EVL: variants seen among roughly 807,000 people sequenced by gnomAD.
The protein encoded by EVL is Enah/Vasp-like, also known as ena/VASP-like protein.
A neutral mutation model predicts 59.6 loss-of-function variants in EVL; 21 were observed. That is an observed-to-expected ratio of 0.35 (90% CI 0.25 to 0.51). EVL has a LOEUF of 0.51. Among genes scored for constraint, EVL ranks in the 20% least tolerant of loss-of-function variants. The pLI, the probability that EVL is intolerant of heterozygous loss-of-function variation, is 0.97. For synonymous variants in EVL, 198 were observed against 203.5 expected, an observed-to-expected ratio of 0.97 and a Z score of 0.23; for missense variants, 462 against 546.6, an observed-to-expected ratio of 0.85 and a Z score of 1.54.
chr14:100,054,049 C>CTTTTTTTTTTTTTTTTTTTTTTTTT (rs11302582), intron 1 of EVL, among the ~76,000 whole-genome samples: 2 of 61,256 alleles, frequency 3.3e-5, no homozygotes, highest in Non-Finnish European at 5.8e-5. Context: ...TATTTTTGGA[C>CTTTTTTTTTTTTTTTTTTTTTTTTT]TTTTTTTTTT....
intron 2 of EVL, among the ~76,000 whole-genome samples, chr14:100,087,970 A>G (rs1282944316): frequency 6.6e-6 from 1 of 152,258 alleles, no homozygotes; most frequent in Non-Finnish European, 1.5e-5. Flanking sequence ...AGGGGGCATG[A>G]CTGCGATTTT....
chr14:100,102,394 C>T, intron 3 of EVL: 2 of 456,042 alleles, frequency 4.4e-6, no homozygotes, highest in South Asian at 1.5e-5. Context: ...GTTCCAGGCT[C>T]ATGATAGAGG....
intron 1 of EVL, among the ~76,000 whole-genome samples, chr14:100,013,730 G>A (rs887483182): frequency 3.3e-5 from 5 of 152,244 alleles, no homozygotes; most frequent in Admixed American, 1.3e-4. Flanking sequence ...TGGTTAGGGT[G>A]CGGAGTCAGT....
At chr14:100,132,649 G>C in intron 7 of EVL, 70 bp from the exon 8 acceptor site, 1 of 1,544,238 alleles carries the variant, frequency 6.5e-7, no homozygotes, top group Non-Finnish European at 9.0e-7. Flanking sequence ...GCAGGGTGGA[G>C]GCAGAAGAGT....
rs1271903681 is a variant in EVL, at chr14:99,998,740, A to G, written c.5+26683A>G. On this transcript the variant is annotated intron_variant, in intron 1 of 13. Coordinates refer to the EVL transcript ENST00000402714. ...TAATAATGGAATAACTGTGTTTACT[A>G]GCGTTTATGTATGGTTCTAGGATGA... Among the ~76,000 whole-genome samples, 3 of 152,154 alleles carry G rather than the reference A, an allele frequency of 2.0e-5. No individual in the cohort carries two copies. In the East Asian group the frequency reaches 5.8e-4, roughly 29 times the overall value.
At chr14:99,977,479 A>G (rs1024997254) in intron 1 of EVL, 2 of 150,746 alleles carry the variant, frequency 1.3e-5, no homozygotes, top group African/African-American at 4.9e-5. Context: ...GCTCACTGCA[A>G]CCTCCATCTC....
Position 100,076,077 on chromosome 14 carries a change from C to T in EVL, c.12-8610C>T, listed in dbSNP as rs150139984. 1.8e-3 allele frequency among the ~76,000 whole-genome samples: 268 copies of T among 152,326 alleles called. 8 individuals carry two copies. In the East Asian group the frequency reaches 0.049, roughly 28 times the overall value. ...GTGAGCTTTGAGAAAAGGTAAGATT[C>T]AAACCTCTGGATGTAGGAAAAAGAA... On this transcript the variant is annotated intron_variant, in intron 1 of 13. Coordinates refer to ENST00000392920, the MANE Select transcript of EVL (RefSeq NM_016337.3).
At chr14:100,120,440 A>C (rs1887624413) in intron 3 of EVL, among the ~76,000 whole-genome samples, 1 of 152,204 alleles carries the variant, frequency 6.6e-6, no homozygotes. Context: ...CTCCCAAATT[A>C]CTGGAATATG....
At chr14:100,138,056 A>G in intron 11 of EVL, 1 of 581,138 alleles carries the variant, frequency 1.7e-6, no homozygotes. Context: ...GGGGGGGCCA[A>G]CATGGAGTCC....
chr14:100,014,712 CTG>C (rs1225150293), intron 1 of EVL, among the ~76,000 whole-genome samples: 1 of 152,070 alleles, frequency 6.6e-6, no homozygotes, highest in Non-Finnish European at 1.5e-5. Flanking sequence ...GGTTTTTTAA[CTG>C]GCAATTGGTA....
Position 100,137,720 on chromosome 14 carries a change from G to A in EVL, c.1032-20G>A. On this transcript the variant is annotated intron_variant, in intron 10 of 13. Coordinates refer to ENST00000392920, the MANE Select transcript of EVL (RefSeq NM_016337.3). ...GGCGCTGGCGCCGATTCACATGTCT[G>A]TTTCATTCCATTGCCGTAGAACCCC... 6.2e-7 allele frequency: 1 copy of A among 1,614,098 alleles called. No homozygotes were observed. Among genetic ancestry groups the A allele is most frequent in the Non-Finnish European group, 8.5e-7 (1 of 1,180,000 alleles).
At chr14:100,038,029 A>G (rs565406043) in intron 1 of EVL, among the ~76,000 whole-genome samples, 1 of 152,330 alleles carries the variant, frequency 6.6e-6, no homozygotes, top group African/African-American at 2.4e-5. Flanking sequence ...AGTTAGCAAC[A>G]GGACTGGAAC....
At chr14:100,005,842 G>T (rs1371499456) in intron 1 of EVL, among the ~76,000 whole-genome samples, 1 of 152,034 alleles carries the variant, frequency 6.6e-6, no homozygotes, top group South Asian at 2.1e-4. Flanking sequence ...GGCTGTCCCG[G>T]TGGAAAAAAA....
chr14:99,988,894 G>T (rs1225723537), intron 1 of EVL, among the ~76,000 whole-genome samples: 1 of 152,206 alleles, frequency 6.6e-6, no homozygotes, highest in East Asian at 1.9e-4. Context: ...ATTAGTGATT[G>T]CTTGGGTGGG....
At chr14:100,136,759 A>G (rs931618216) in intron 9 of EVL, among the ~76,000 whole-genome samples, 5 of 152,246 alleles carry the variant, frequency 3.3e-5, no homozygotes, top group African/African-American at 1.2e-4. Context: ...CAGGATGCAT[A>G]GGTTCCTGGC....
At chr14:100,097,768 G>A (rs546345396) in intron 3 of EVL, 110 bp downstream of exon 3, 2 of 1,004,476 alleles carry the variant, frequency 2.0e-6, no homozygotes, top group South Asian at 3.6e-5. Context: ...GCATTGAGCT[G>A]AGGTTGCATG....
chr14:99,974,025 A>G (rs1340913488), intron 1 of EVL, among the ~76,000 whole-genome samples: 1 of 152,142 alleles, frequency 6.6e-6, no homozygotes, highest in Non-Finnish European at 1.5e-5. Context: ...TCTTTAGTGC[A>G]GGTCTGGCAA....
At chr14:100,050,130 C>G (rs903162984) in intron 1 of EVL, among the ~76,000 whole-genome samples, 6 of 152,118 alleles carry the variant, frequency 3.9e-5, no homozygotes, top group Admixed American at 6.5e-5. Flanking sequence ...ACTCCCACCC[C>G]GTAAAAACAT....
At chr14:99,984,298 T>A (rs971277703) in intron 1 of EVL, among the ~76,000 whole-genome samples, 1 of 152,212 alleles carries the variant, frequency 6.6e-6, no homozygotes, top group Non-Finnish European at 1.5e-5. Context: ...TTTTCTGTGA[T>A]TTCTTTGTAA....
Sources: allele counts gnomAD v4.1 joint callset (sites outside exome capture counted in the v4.1 genomes callset), GRCh38; gene constraint gnomAD v4.1.1; transcripts MANE v1.5; gene names NCBI Gene and HGNC (gene_info 2026-07-23, HGNC 2026-07-21).